EML5: variants seen among roughly 807,000 people sequenced by gnomAD.
EML5 encodes EMAP like 5.
In EML5, 120 loss-of-function variants were observed where a neutral mutation model predicts 250.0. That is an observed-to-expected ratio of 0.48 (90% CI 0.41 to 0.56). EML5 has a LOEUF of 0.56. Ranked by LOEUF, EML5 falls within the 20% of genes least tolerant of loss-of-function variation. EML5 has a pLI of 0.00. For synonymous variants in EML5, 771 were observed against 806.5 expected, an observed-to-expected ratio of 0.96 and a Z score of 0.75; for missense variants, 2,006 against 2,437.6, an observed-to-expected ratio of 0.82 and a Z score of 3.73.
At chr14:88,616,290 G>T (rs1190014758) in intron 42 of EML5, 48 bp from the exon 43 acceptor site, 5 of 1,550,318 alleles carry the variant, frequency 3.2e-6, no homozygotes, top group East Asian at 2.2e-5. Context: ...GCACACAGAA[G>T]TCAAAGGCTC....
At chr14:88,677,674 A>G (rs1426347748) in intron 21 of EML5, among the ~76,000 whole-genome samples, 1 of 152,244 alleles carries the variant, frequency 6.6e-6, no homozygotes, top group East Asian at 1.9e-4. Context: ...ACATTTATGC[A>G]GCTGAGAAAC....
At chr14:88,771,319 T>C (rs1369431265) in intron 1 of EML5, among the ~76,000 whole-genome samples, 1 of 152,216 alleles carries the variant, frequency 6.6e-6, no homozygotes, top group Non-Finnish European at 1.5e-5. Context: ...AAGAAGATAC[T>C]TCATTCCCAT....
chr14:88,647,025 C>A lies in EML5; in HGVS notation c.4020-70G>T, dbSNP rs1348700251. ...TTGAATTGAAAACACTAGTGAAATA[C>A]CTCCTGTAATAAAATATTTTAACAA... is the stretch of plus-strand genomic sequence containing the variant. On this transcript the variant is annotated intron_variant, in intron 28 of 43. Coordinates refer to ENST00000554922, the MANE Select transcript of EML5 (RefSeq NM_183387.3). 7.3e-6 allele frequency: 10 copies of A among 1,364,506 alleles called. No homozygotes were observed. In the Admixed American group the frequency reaches 2.0e-4, roughly 28 times the overall value. 84.5% of individuals were successfully genotyped at this position (1,364,506 alleles called of 1,614,324 possible).
At chr14:88,684,509 C>T (rs2092786586) in intron 20 of EML5, among the ~76,000 whole-genome samples, 1 of 106,572 alleles carries the variant, frequency 9.4e-6, no homozygotes, top group Non-Finnish European at 1.7e-5. Context: ...ATTTAATTTT[C>T]AGTAATGAAA....
intron 41 of EML5, 116 bp from the exon 42 acceptor site, chr14:88,616,995 G>T: frequency 1.1e-6 from 1 of 917,964 alleles, no homozygotes; most frequent in Non-Finnish European, 1.6e-6. Context: ...TTAAAATACA[G>T]GAAGTAAATT....
chr14:88,624,804 A>C (rs1019425015), intron 36 of EML5, 166 bp downstream of exon 36: 2 of 780,876 alleles, frequency 2.6e-6, no homozygotes, highest in Non-Finnish European at 3.9e-6. Flanking sequence ...AAGACCAGAA[A>C]TGAGAATCAA....
intron 40 of EML5, 138 bp from the exon 41 acceptor site, chr14:88,618,469 A>T (rs2088146553): frequency 9.2e-7 from 1 of 1,088,812 alleles, no homozygotes; most frequent in Admixed American, 2.4e-5. Flanking sequence ...TCACTACAAA[A>T]ACTTAATAGG....
At chr14:88,648,424 G>A (rs543488640) in intron 28 of EML5, among the ~76,000 whole-genome samples, 2 of 152,232 alleles carry the variant, frequency 1.3e-5, no homozygotes, top group South Asian at 4.1e-4. Context: ...TGTGATCATG[G>A]CTTACTTGAG....
rs148511544 is a variant in EML5, at chr14:88,652,843, T to C, written c.4005-2917A>G. On this transcript the variant is annotated intron_variant, in intron 27 of 43. Coordinates refer to ENST00000554922, the MANE Select transcript of EML5 (RefSeq NM_183387.3). ...ACAATTTATTTCTTAATCTGTCATC[T>C]AGCTCAGAGACTTTATTAAAAAGTG... Among the ~76,000 whole-genome samples, 94 of 152,348 alleles carry C rather than the reference T, an allele frequency of 6.2e-4. 1 individual carries two copies. In the East Asian group the frequency reaches 0.016, roughly 25 times the overall value.
rs368423826 is a variant in EML5, at chr14:88,624,993, G to A, written c.4875C>T (p.Ile1625=). Residue 1625 remains isoleucine, a synonymous_variant, in exon 36 of 44, where the codon ATC becomes ATT. Coordinates refer to ENST00000554922, the MANE Select transcript of EML5 (RefSeq NM_183387.3). ...AMYTTLRDGL[I]VTGGKERPSK... is the part of the protein sequence containing the mutation. Reference sequence around the variant, plus strand: ...ACGGCCTTTCCTTTCCCCCAGTCACGATAAGTCCATCTCGCAGGGTGGTGT... The same window carrying A: ...ACGGCCTTTCCTTTCCCCCAGTCACAATAAGTCCATCTCGCAGGGTGGTGT... 2.5e-5 allele frequency: 41 copies of A among 1,613,568 alleles called. No individual in the cohort carries two copies. The highest frequency in any genetic ancestry group is 6.7e-5 in the East Asian group (3 of 44,860).
At chr14:88,677,881 G>A (rs891427389) in intron 21 of EML5, among the ~76,000 whole-genome samples, 3 of 151,948 alleles carry the variant, frequency 2.0e-5, no homozygotes, top group South Asian at 2.1e-4. Context: ...TGTGGAAGAC[G>A]GTGATTCTTC....
chr14:88,656,088 A>G (rs1482581781), intron 27 of EML5, among the ~76,000 whole-genome samples: 1 of 152,200 alleles, frequency 6.6e-6, no homozygotes, highest in Non-Finnish European at 1.5e-5. Flanking sequence ...AACTAGAAAT[A>G]CCATTTGACT....
chr14:88,754,770 T>A (rs1595784953), intron 1 of EML5, 99 bp from the exon 2 acceptor site: 2 of 1,000,886 alleles, frequency 2.0e-6, no homozygotes, highest in East Asian at 5.4e-5. Flanking sequence ...AGTGTGAACA[T>A]TAGACTTTAT....
intron 27 of EML5, among the ~76,000 whole-genome samples, chr14:88,655,374 A>T (rs1230445461): frequency 4.6e-5 from 7 of 152,056 alleles, no homozygotes. Flanking sequence ...ACAAGCAATG[A>T]GAAAGGATTC....
intron 24 of EML5, among the ~76,000 whole-genome samples, 179 bp from the exon 25 acceptor site, chr14:88,662,009 C>T (rs908433925): frequency 4.6e-5 from 7 of 152,064 alleles, no homozygotes; most frequent in African/African-American, 1.4e-4. Flanking sequence ...CTACTAATTG[C>T]TGCAGAAAAA....
chr14:88,789,158 A>T (rs2094581166), intron 1 of EML5, among the ~76,000 whole-genome samples: 1 of 152,148 alleles, frequency 6.6e-6, no homozygotes, highest in African/African-American at 2.4e-5. Flanking sequence ...CTTATGCTAA[A>T]ACTGGTAGTA....
rs149588857 is a variant in EML5 at position 88,720,882 on chromosome 14, G to A, written c.1187+5659C>T. Reference sequence around the variant, plus strand: ...GATCCTATATCTAGAAAACTCCATCGTCTCAGCCCAAAAGCTTCTTAAGCT... The same window carrying A: ...GATCCTATATCTAGAAAACTCCATCATCTCAGCCCAAAAGCTTCTTAAGCT... On this transcript the variant is annotated intron_variant, in intron 8 of 43. Transcript: ENST00000554922. Among the ~76,000 whole-genome samples, 1,281 of 152,124 alleles carry A rather than the reference G, an allele frequency of 8.4e-3. 14 individuals are homozygous for A. Among genetic ancestry groups the A allele is most frequent in the African/African-American group, 0.03 (1,227 of 41,496 alleles).
In EML5 at chr14:88,626,865, C is replaced by G. The variant is rs777234270; in HGVS notation, c.4713G>C (p.Gln1571His). The stretch of plus-strand genomic sequence containing the variant: ...CACCAAATGCAATAGCGAGCATGGT[C>G]TGCATCCGGGCATCTTCCAGTGTGC... ...LLSTLEDARM[Q>H]TMLAIAFGAN... The change falls in exon 35 of 44, where the codon CAG becomes CAC. Residue 1571 changes from glutamine to histidine, a missense_variant. Gln to His is a conservative substitution (Grantham distance 24, BLOSUM62 0). This residue lies in a region of EML5 where 405 missense variants were observed against 523.3 expected (regional missense o/e 0.77). Coordinates refer to ENST00000554922, the MANE Select transcript of EML5 (RefSeq NM_183387.3). 1.2e-6 allele frequency: 2 copies of G among 1,613,918 alleles called. No homozygotes were observed. Among genetic ancestry groups the G allele is most frequent in the Non-Finnish European group, 8.5e-7 (1 of 1,179,854 alleles).
At chr14:88,698,207 C>T (rs1040558826) in intron 14 of EML5, among the ~76,000 whole-genome samples, 1 of 150,186 alleles carries the variant, frequency 6.7e-6, no homozygotes, top group African/African-American at 2.4e-5. Flanking sequence ...AAAACTTCTA[C>T]AGAATTTGAT....
Sources: allele counts gnomAD v4.1 joint callset (sites outside exome capture counted in the v4.1 genomes callset), GRCh38; gene constraint gnomAD v4.1.1; regional missense constraint gnomAD v4.1.1; transcripts MANE v1.5; gene names NCBI Gene and HGNC (gene_info 2026-07-23, HGNC 2026-07-21).